Variants in SLC25A10 observed in about 807,000 individuals in gnomAD.
The protein encoded by SLC25A10 is solute carrier family 25 member 10.
SLC25A10 carries 32 observed loss-of-function variants against 40.4 expected under a neutral mutation model. The ratio of observed to expected loss-of-function variants is 0.79; its 90% CI spans 0.60 to 1.06. SLC25A10 has a LOEUF of 1.06. Among genes scored for constraint, SLC25A10 ranks in the 50% least tolerant of loss-of-function variants. The pLI is 0.00. For missense variants in SLC25A10, 394 were observed against 402.6 expected, an observed-to-expected ratio of 0.98 and a Z score of 0.18; for synonymous variants, 181 against 171.1, an observed-to-expected ratio of 1.06 and a Z score of -0.45.
rs377383166 is a variant in SLC25A10, at chr17:81,720,713, G to A, written c.*636G>A. On this transcript the variant is annotated 3_prime_UTR_variant, in exon 11 of 11. Transcript: ENST00000350690. ...GAGGGCCACCGAGGTCCCGCGCACCGCTGCCTGCCCTGCAGTGGCTTTAAC... is the reference window on the plus strand; with the variant it reads ...GAGGGCCACCGAGGTCCCGCGCACCACTGCCTGCCCTGCAGTGGCTTTAAC... The A allele has an allele frequency of 2.2e-5, 9 of 405,002 alleles. No homozygotes were observed. The highest frequency in any genetic ancestry group is 3.0e-5 in the Non-Finnish European group (7 of 233,070). 25.1% of individuals were successfully genotyped at this position (405,002 alleles called of 1,614,324 possible).
At chr17:81,719,290 A>G (rs971195127) in intron 9 of SLC25A10, among the ~76,000 whole-genome samples, 1 of 145,730 alleles carries the variant, frequency 6.9e-6, no homozygotes, top group East Asian at 2.0e-4. Flanking sequence ...CTGGTCTTGA[A>G]CTCCTGGCCT....
chr17:81,719,685 C>G, intron 9 of SLC25A10, 146 bp from the exon 10 acceptor site: 1 of 935,482 alleles, frequency 1.1e-6, no homozygotes, highest in Non-Finnish European at 1.7e-6. Context: ...TACCAGCCAG[C>G]AGCCGCCGCT....
At position 81,719,801 on chromosome 17, in the gene SLC25A10, T is replaced by G; in HGVS notation, c.706-30T>G. The G allele has an allele frequency of 1.9e-6, 3 of 1,611,880 alleles. No individual in the cohort carries two copies. In the South Asian group the frequency reaches 3.3e-5, roughly 18 times the overall value. The stretch of plus-strand genomic sequence containing the variant: ...GTTGCCTTTTGGGTGAGAAGCAGCC[T>G]TTTTGATTGTTTCACTGCGTTTTCT... On this transcript the variant is annotated intron_variant, in intron 9 of 10. Transcript: ENST00000350690.
intron 9 of SLC25A10, 55 bp from the exon 10 acceptor site, chr17:81,719,776 G>T (rs1291519152): frequency 1.2e-6 from 2 of 1,604,152 alleles, no homozygotes; most frequent in African/African-American, 2.7e-5. Context: ...GGGGATTTTC[G>T]TTGCCTTTTG....
Position 81,720,187 on chromosome 17 carries a change from C to T in SLC25A10, c.*110C>T, listed in dbSNP as rs1336945470. ...CACGACCTCCCTGGCCGTGGCCACCCGTCCTCCGCAGCAGGCCCCTGCTGT... is the reference window on the plus strand; with the variant it reads ...CACGACCTCCCTGGCCGTGGCCACCTGTCCTCCGCAGCAGGCCCCTGCTGT... On this transcript the variant is annotated 3_prime_UTR_variant, in exon 11 of 11. Transcript: ENST00000350690. 22 of 1,520,402 alleles carry T rather than the reference C, an allele frequency of 1.4e-5. No individual in the cohort carries two copies. The highest frequency in any genetic ancestry group is 1.8e-5 in the Non-Finnish European group (20 of 1,142,038). The allele number at this position is 1,520,402 out of a possible 1,614,324, so 94.2% of individuals were successfully genotyped here.
chr17:81,715,471 C>A lies in SLC25A10; in HGVS notation c.214-7C>A. 6.2e-7 allele frequency: 1 copy of A among 1,609,694 alleles called. No individual in the cohort carries two copies. Among genetic ancestry groups the A allele is most frequent in the South Asian group, 1.1e-5 (1 of 91,014 alleles). ...CCGTCCCTCCAAGCCAGGCCCTTCT[C>A]CCCCAGATGACCTACTCCCTGACTC... On this transcript the variant is annotated splice_polypyrimidine_tract_variant and splice_region_variant and intron_variant, in intron 2 of 10. Transcript: ENST00000350690.
rs941188205 is a variant in SLC25A10, at chr17:81,720,218, C to A, written c.*141C>A. 2.5e-4 allele frequency: 363 copies of A among 1,463,052 alleles called. No homozygotes were observed. The highest frequency in any genetic ancestry group is 3.2e-4 in the Non-Finnish European group (352 of 1,115,478). The allele number at this position is 1,463,052 out of a possible 1,614,324, so 90.6% of individuals were successfully genotyped here. A position where few individuals can be genotyped will look rare whatever the true frequency, so the allele number is the denominator to read the frequency against. The stretch of plus-strand genomic sequence containing the variant: ...CCGCAGCAGGCCCCTGCTGTCCCCC[C>A]ACCTGCTGGCTGAGCTCCTCCTGGC... On this transcript the variant is annotated 3_prime_UTR_variant, in exon 11 of 11. Coordinates refer to ENST00000350690, the MANE Select transcript of SLC25A10 (RefSeq NM_012140.5).
At chr17:81,712,882 T>C (rs1490117102) in intron 1 of SLC25A10, among the ~76,000 whole-genome samples, 6 of 152,194 alleles carry the variant, frequency 3.9e-5, no homozygotes, top group Non-Finnish European at 7.4e-5. Context: ...TCCGCCTAGT[T>C]AGAAGTTGTG....
At chr17:81,719,700 C>A in intron 9 of SLC25A10, 131 bp from the exon 10 acceptor site, 1 of 823,354 alleles carries the variant, frequency 1.2e-6, no homozygotes, top group Non-Finnish European at 1.9e-6. Flanking sequence ...GCCGCTCACA[C>A]CCACACCCAC....
At position 81,715,017 on chromosome 17, in the gene SLC25A10, G is replaced by A. The variant is rs202124765; in HGVS notation, c.158G>A (p.Arg53His). 405 of 1,610,070 alleles carry A rather than the reference G, an allele frequency of 2.5e-4. 1 individual carries two copies. The East Asian group carries it at 6.5e-3, about 26-fold the overall frequency. The stretch of plus-strand genomic sequence containing the variant: ...ACGGGCATGGCGCTGCGGGTGGTGC[G>A]TACCGACGGCATCCTGGCACTCTAC... ...RMTGMALRVV[R>H]TDGILALYSG... Residue 53 changes from arginine (R) to histidine (H), a missense_variant, in exon 2 of 11, where the codon CGT (arginine) becomes CAT (histidine). Transcript: ENST00000350690.
intron 9 of SLC25A10, 72 bp downstream of exon 9, chr17:81,717,933 C>T (rs1210465901): frequency 8.4e-7 from 1 of 1,186,040 alleles, no homozygotes; most frequent in East Asian, 2.5e-5. Flanking sequence ...GGGGGGTGGA[C>T]ACTCGCACTG....
intron 9 of SLC25A10, among the ~76,000 whole-genome samples, chr17:81,718,688 G>C (rs369680173): frequency 5.4e-4 from 81 of 150,596 alleles, no homozygotes; most frequent in African/African-American, 1.7e-3. Flanking sequence ...GGTGGCTCAC[G>C]CCTGTAATCC....
chr17:81,719,561 C>G, intron 9 of SLC25A10, among the ~76,000 whole-genome samples: 1 of 152,230 alleles, frequency 6.6e-6, no homozygotes, highest in East Asian at 1.9e-4. Context: ...GTTCTGTTCA[C>G]AGCCCCCTCT....
chr17:81,714,885 CT>C lies in SLC25A10; in HGVS notation c.94-67del, dbSNP rs747583119. 167 of 1,575,576 alleles carry C rather than the reference CT, an allele frequency of 1.1e-4. 1 individual carries two copies. Among genetic ancestry groups the C allele is most frequent in the Admixed American group, 1.5e-4 (9 of 59,050 alleles). On this transcript the variant is annotated intron_variant, in intron 1 of 10. Coordinates refer to ENST00000350690, the MANE Select transcript of SLC25A10 (RefSeq NM_012140.5). The stretch of plus-strand genomic sequence containing the variant: ...CACTGCCTCCTGCCTCAGTTTCCCC[CT>C]CTCTGGATGAACCTGGCACCGATCC...
chr17:81,717,911 C>T (rs1271202029), intron 9 of SLC25A10, 50 bp downstream of exon 9: 7 of 1,429,584 alleles, frequency 4.9e-6, no homozygotes, highest in Middle Eastern at 2.0e-4. Context: ...CAGCGAGTCC[C>T]CTCACCTCTC....
rs1041920156 is a variant in SLC25A10 at position 81,720,523 on chromosome 17, C to T, written c.*446C>T. On this transcript the variant is annotated 3_prime_UTR_variant, in exon 11 of 11. Transcript: ENST00000350690. ...GTTGCTCACCCAAGTGCTAGCTCTG[C>T]ACTTCGTGTCTGCTGAGAGCAACCA... is the stretch of plus-strand genomic sequence containing the variant. 25 of 1,300,656 alleles carry T rather than the reference C, an allele frequency of 1.9e-5. No individual in the cohort carries two copies. Among genetic ancestry groups the T allele is most frequent in the African/African-American group, 6.0e-5 (4 of 66,378 alleles). 80.6% of individuals were successfully genotyped at this position (1,300,656 alleles called of 1,614,324 possible).
chr17:81,717,690 C>T (rs940524765), intron 8 of SLC25A10, 94 bp from the exon 9 acceptor site: 13 of 1,465,946 alleles, frequency 8.9e-6, no homozygotes, highest in Middle Eastern at 4.4e-4. Flanking sequence ...CTGGCCCGCC[C>T]TAGGAGTCAG....
chr17:81,717,888 G>T, intron 9 of SLC25A10, 27 bp downstream of exon 9: 1 of 1,557,056 alleles, frequency 6.4e-7, no homozygotes. Context: ...CTGTGCAGTT[G>T]GGCTGCACAG....
intron 5 of SLC25A10, chr17:81,716,597 G>A (rs1486415311): frequency 1.7e-6 from 1 of 599,624 alleles, no homozygotes; most frequent in African/African-American, 1.9e-5. Flanking sequence ...GGACTCTGTT[G>A]GAAACGATGG....
Sources: allele counts gnomAD v4.1 joint callset (sites outside exome capture counted in the v4.1 genomes callset), GRCh38; gene constraint gnomAD v4.1.1; transcripts MANE v1.5; gene names NCBI Gene and HGNC (gene_info 2026-07-23, HGNC 2026-07-21).